Variants in FOCAD observed in about 807,000 individuals in gnomAD.
FOCAD encodes KIAA1797.
A neutral mutation model predicts 225.6 loss-of-function variants in FOCAD; 198 were observed. The observed-to-expected ratio is 0.88, with a 90% CI of 0.78 to 0.99. FOCAD has a LOEUF of 0.99. Ranked by LOEUF, FOCAD falls within the 50% of genes least tolerant of loss-of-function variation. FOCAD has a pLI of 0.00. For synonymous variants in FOCAD, 897 were observed against 755.0 expected (o/e 1.19, Z -3.08); for missense variants, 2,713 against 2,123.6 (o/e 1.28, Z -5.46).
At chr9:20,778,153 GT>G (rs1197205376) in intron 8 of FOCAD, among the ~76,000 whole-genome samples, 1 of 150,646 alleles carries the variant, frequency 6.6e-6, no homozygotes, top group Non-Finnish European at 1.5e-5. Context: ...GCTGTGTTGA[GT>G]TTTCCTCTGA....
At position 20,925,267 on chromosome 9, in the gene FOCAD, A is replaced by G. The variant is rs184009499; in HGVS notation, c.2962-1034A>G. 1.9e-3 allele frequency among the ~76,000 whole-genome samples: 283 copies of G among 152,316 alleles called. 2 individuals are homozygous for G. The highest frequency in any genetic ancestry group is 6.8e-3 in the Middle Eastern group (2 of 294). On this transcript the variant is annotated intron_variant, in intron 25 of 43. Coordinates refer to ENST00000338382, the MANE Select transcript of FOCAD (RefSeq NM_001375567.1). ...AACATGCTGCATAGATCTACAACCT[A>G]AAATGTCAATGCCCCTTTCTATGAT...
chr9:20,871,940 A>G (rs145839145), intron 18 of FOCAD, among the ~76,000 whole-genome samples: 2,467 of 151,628 alleles, frequency 0.016, 71 homozygotes, highest in African/African-American at 0.053. Flanking sequence ...ATTAAAAAAA[A>G]AAGAAGTGAT....
intron 18 of FOCAD, among the ~76,000 whole-genome samples, chr9:20,869,968 T>C (rs944972068): frequency 4.6e-5 from 7 of 152,172 alleles, no homozygotes; most frequent in African/African-American, 1.7e-4. Flanking sequence ...TTTCTGATTT[T>C]ATAAAAGCTA....
At chr9:20,879,488 A>C (rs139699330) in intron 19 of FOCAD, among the ~76,000 whole-genome samples, 1 of 152,180 alleles carries the variant, frequency 6.6e-6, no homozygotes, top group Admixed American at 6.6e-5. Flanking sequence ...TATTCCAAAT[A>C]GTTACCTGTA....
At chr9:20,733,754 C>T (rs1036700089) in intron 4 of FOCAD, among the ~76,000 whole-genome samples, 6 of 152,090 alleles carry the variant, frequency 3.9e-5, no homozygotes, top group Non-Finnish European at 7.4e-5. Context: ...GTAATCCTAG[C>T]ATTTTGAGAG....
chr9:20,982,522 G>T, intron 39 of FOCAD, 76 bp downstream of exon 39: 2 of 1,220,992 alleles, frequency 1.6e-6, no homozygotes, highest in African/African-American at 1.5e-5. Flanking sequence ...TTCAGTGTTT[G>T]GCTGAAGCAA....
At chr9:20,732,541 G>A (rs1014895648) in intron 4 of FOCAD, among the ~76,000 whole-genome samples, 1 of 152,196 alleles carries the variant, frequency 6.6e-6, no homozygotes, top group African/African-American at 2.4e-5. Flanking sequence ...GCGCATGATT[G>A]ACAATCTTGA....
chr9:20,721,931 C>T (rs1237592271), intron 4 of FOCAD, among the ~76,000 whole-genome samples: 1 of 59,182 alleles, frequency 1.7e-5, no homozygotes, highest in Non-Finnish European at 3.4e-5. Flanking sequence ...CTTCCTCTCC[C>T]CTCCCCTTCC....
At chr9:20,741,409 C>T (rs892248916) in intron 5 of FOCAD, among the ~76,000 whole-genome samples, 13 of 151,914 alleles carry the variant, frequency 8.6e-5, no homozygotes, top group Admixed American at 3.3e-4. Flanking sequence ...CATGATCTTC[C>T]GTGTAATTTT....
chr9:20,674,066 A>C (rs1034369556), intron 2 of FOCAD, among the ~76,000 whole-genome samples: 10 of 152,222 alleles, frequency 6.6e-5, no homozygotes, highest in African/African-American at 2.4e-4. Context: ...GGTATGTTGC[A>C]GTCAGTTTGT....
At chr9:20,748,575 T>G (rs1424098078) in intron 5 of FOCAD, among the ~76,000 whole-genome samples, 1 of 152,070 alleles carries the variant, frequency 6.6e-6, no homozygotes, top group African/African-American at 2.4e-5. Flanking sequence ...TGGGAAAGGA[T>G]GTAGTCAGAT....
intron 13 of FOCAD, among the ~76,000 whole-genome samples, chr9:20,820,648 A>G (rs1233893964): frequency 2.0e-5 from 3 of 152,170 alleles, no homozygotes; most frequent in Non-Finnish European, 2.9e-5. Context: ...TCTGAAATGT[A>G]TCTTTCCATT....
chr9:20,978,689 T>C (rs929793437), intron 37 of FOCAD, among the ~76,000 whole-genome samples: 1 of 152,254 alleles, frequency 6.6e-6, no homozygotes, highest in Non-Finnish European at 1.5e-5. Flanking sequence ...TGGAAAATGA[T>C]GATCAGAGAT....
At chr9:20,993,176 T>G in intron 42 of FOCAD, 77 bp from the exon 43 acceptor site, 1 of 1,218,340 alleles carries the variant, frequency 8.2e-7, no homozygotes, top group Non-Finnish European at 1.2e-6. Context: ...CTCATATATA[T>G]AGGTCCAAGG....
At chr9:20,787,300 C>T (rs1368004115) in intron 10 of FOCAD, among the ~76,000 whole-genome samples, 1 of 152,062 alleles carries the variant, frequency 6.6e-6, no homozygotes, top group East Asian at 1.9e-4. Flanking sequence ...ATACTATTTA[C>T]CTGTATTTTG....
At chr9:20,954,937 A>G (rs1288538040) in intron 35 of FOCAD, among the ~76,000 whole-genome samples, 1 of 152,180 alleles carries the variant, frequency 6.6e-6, no homozygotes, top group East Asian at 1.9e-4. Context: ...GCTAAATGGG[A>G]TGGCCAAATG....
intron 41 of FOCAD, among the ~76,000 whole-genome samples, chr9:20,989,451 C>G (rs183688098): frequency 5.3e-5 from 8 of 152,210 alleles, no homozygotes; most frequent in African/African-American, 1.9e-4. Flanking sequence ...AGAGGTGGCT[C>G]CTATAATCAC....
upstream of FOCAD, among the ~76,000 whole-genome samples, chr9:20,682,227 C>G (rs1472244472): frequency 6.6e-6 from 1 of 152,156 alleles, no homozygotes; most frequent in African/African-American, 2.4e-5. Context: ...TATAAATTAC[C>G]CAGTCTAAGA....
intron 11 of FOCAD, among the ~76,000 whole-genome samples, chr9:20,793,689 A>G (rs1357020120): frequency 6.6e-6 from 1 of 152,154 alleles, no homozygotes; most frequent in Non-Finnish European, 1.5e-5. Context: ...AGTGGAGTCT[A>G]TCTGCTTCCA....
Sources: allele counts gnomAD v4.1 joint callset (sites outside exome capture counted in the v4.1 genomes callset), GRCh38; gene constraint gnomAD v4.1.1; transcripts MANE v1.5; gene names NCBI Gene and HGNC (gene_info 2026-07-23, HGNC 2026-07-21).